Variants in PXDC1 observed in about 807,000 individuals in gnomAD.
PXDC1 encodes PX domain containing 1, also known as PX domain-containing protein 1.
Under a neutral mutation model 24.4 loss-of-function variants are expected in PXDC1, and 13 were observed. The ratio of observed to expected loss-of-function variants is 0.53; its 90% CI spans 0.35 to 0.85. The LOEUF (loss-of-function observed/expected upper bound fraction) is 0.85, where lower values mean the gene tolerates loss of function less well. Among genes scored for constraint, PXDC1 ranks in the 40% least tolerant of loss-of-function variants. PXDC1 has a pLI of 0.01. For missense variants in PXDC1, 344 were observed against 309.3 expected, an observed-to-expected ratio of 1.11 and a Z score of -0.84; for synonymous variants, 162 against 124.9, an observed-to-expected ratio of 1.30 and a Z score of -1.98.
chr6:3,749,507 G>T (rs1760651933), intron 1 of PXDC1, among the ~76,000 whole-genome samples: 1 of 145,892 alleles, frequency 6.9e-6, no homozygotes, highest in Admixed American at 7.0e-5. Flanking sequence ...CACAACTAGG[G>T]CGACAGCAAA....
In PXDC1 at chr6:3,731,981, G is replaced by A. The variant is rs140311803; in HGVS notation, c.467-4319C>T. Among the ~76,000 whole-genome samples the A allele has an allele frequency of 2.1e-3, 327 of 152,340 alleles. 1 individual carries two copies. The highest frequency in any genetic ancestry group is 4.4e-3 in the South Asian group (21 of 4,824). On this transcript the variant is annotated intron_variant, in intron 3 of 4. Coordinates refer to ENST00000380283, the MANE Select transcript of PXDC1 (RefSeq NM_183373.4). ...GGCTTCTGCCAGCTGTTTCCACAGCGAAGTTACCACCTTTCCCTTTGTAGT... is the reference window on the plus strand; with the variant it reads ...GGCTTCTGCCAGCTGTTTCCACAGCAAAGTTACCACCTTTCCCTTTGTAGT...
chr6:3,724,936 T>A lies in PXDC1; in HGVS notation c.579-1200A>T, dbSNP rs952789829. 6.6e-6 allele frequency among the ~76,000 whole-genome samples: 1 copy of A among 152,114 alleles called. No individual in the cohort carries two copies. Among genetic ancestry groups the A allele is most frequent in the African/African-American group, 2.4e-5 (1 of 41,408 alleles). On this transcript the variant is annotated intron_variant, in intron 4 of 4. Transcript: ENST00000380283. The surrounding 1 kb of genome is among the most constrained non-coding windows in gnomAD (Gnocchi z 4.5). ...GAGGAAGGCCTCCCCTCTGACTCCA[T>A]GGCCAGGCCTGGAGTGTGGTGTCAG... is the stretch of plus-strand genomic sequence containing the variant.
rs111662597 is a variant in PXDC1 at position 3,723,502 on chromosome 6, T to C, written c.*117A>G. ...CAGGCCTCCTGGCGTCAGTGGGGCC[T>C]GGGACGTCTGGGAGTTCCAGAGCTG... On this transcript the variant is annotated 3_prime_UTR_variant, in exon 5 of 5. Transcript: ENST00000380283. 113 of 807,446 alleles carry C rather than the reference T, an allele frequency of 1.4e-4. No individual in the cohort carries two copies. The African/African-American group carries it at 1.8e-3, about 13-fold the overall frequency. 50.0% of individuals were successfully genotyped at this position (807,446 alleles called of 1,614,324 possible).
intron 4 of PXDC1, 72 bp from the exon 5 acceptor site, chr6:3,723,808 T>C (rs1056686174): frequency 4.1e-6 from 5 of 1,206,388 alleles, no homozygotes; most frequent in Middle Eastern, 1.9e-4. Context: ...GCCGGGACCA[T>C]GAGCATGACT....
chr6:3,725,625 C>T lies in PXDC1; in HGVS notation c.579-1889G>A, dbSNP rs1244870384. Among the ~76,000 whole-genome samples, 2 of 152,210 alleles carry T rather than the reference C, an allele frequency of 1.3e-5. No individual in the cohort carries two copies. Among genetic ancestry groups the T allele is most frequent in the East Asian group, 3.9e-4 (2 of 5,178 alleles). Reference sequence around the variant, plus strand: ...GGGCCAGACAATCAGCCTCGGGTGCCAGGGAGGACAGCCACGCAGGGAGGT... The same window carrying T: ...GGGCCAGACAATCAGCCTCGGGTGCTAGGGAGGACAGCCACGCAGGGAGGT... On this transcript the variant is annotated intron_variant, in intron 4 of 4. Coordinates refer to ENST00000380283, the MANE Select transcript of PXDC1 (RefSeq NM_183373.4). This position sits in a 1 kb window ranked among gnomAD's most constrained non-coding sequence, Gnocchi z 4.8.
At chr6:3,748,744 A>G (rs1165016330) in intron 1 of PXDC1, among the ~76,000 whole-genome samples, 3 of 152,180 alleles carry the variant, frequency 2.0e-5, no homozygotes, top group African/African-American at 4.8e-5. Flanking sequence ...TGCCAGCAGA[A>G]GCTCAGAAAT....
intron 3 of PXDC1, among the ~76,000 whole-genome samples, chr6:3,734,081 C>A (rs1561733996): frequency 6.6e-6 from 1 of 152,238 alleles, no homozygotes; most frequent in Non-Finnish European, 1.5e-5. Context: ...GTGGCTGAAA[C>A]CTGTCCTCAG....
Position 3,727,604 on chromosome 6 carries a change from G to A in PXDC1, c.525C>T (p.His175=). 6.2e-7 allele frequency: 1 copy of A among 1,613,950 alleles called. No homozygotes were observed. The highest frequency in any genetic ancestry group is 1.1e-5 in the South Asian group (1 of 91,068). The change falls in exon 4 of 5, where the codon CAC becomes CAT. Residue 175 remains histidine (H), a synonymous_variant. Coordinates refer to ENST00000380283, the MANE Select transcript of PXDC1 (RefSeq NM_183373.4). Reference sequence around the variant, plus strand: ...GCTGGTCTCTTCCATTTGGTATACTGTGGTCAATAACTATTGTTTCGGTAT... The same window carrying A: ...GCTGGTCTCTTCCATTTGGTATACTATGGTCAATAACTATTGTTTCGGTAT... ...LANTETIVID[H]SIPNGRDQQL... is the part of the protein sequence containing the mutation.
rs2127597181 is a variant in PXDC1, at chr6:3,723,500, C to A, written c.*119G>T. ...CCCAGGCCTCCTGGCGTCAGTGGGG[C>A]CTGGGACGTCTGGGAGTTCCAGAGC... On this transcript the variant is annotated 3_prime_UTR_variant, in exon 5 of 5. Coordinates refer to ENST00000380283, the MANE Select transcript of PXDC1 (RefSeq NM_183373.4). 1.3e-6 allele frequency: 1 copy of A among 798,084 alleles called. No individual in the cohort carries two copies. Among genetic ancestry groups the A allele is most frequent in the Non-Finnish European group, 2.2e-6 (1 of 465,004 alleles). 49.4% of individuals were successfully genotyped at this position (798,084 alleles called of 1,614,324 possible). A position where few individuals can be genotyped will look rare whatever the true frequency, so the allele number is the denominator to read the frequency against.
At chr6:3,729,862 T>C (rs1375186889) in intron 3 of PXDC1, among the ~76,000 whole-genome samples, 3 of 152,132 alleles carry the variant, frequency 2.0e-5, no homozygotes, top group African/African-American at 4.8e-5. Context: ...GCCTACAAGT[T>C]AAAACAAATG....
chr6:3,733,644 A>T (rs1760251632), intron 3 of PXDC1, among the ~76,000 whole-genome samples: 1 of 152,154 alleles, frequency 6.6e-6, no homozygotes, highest in Non-Finnish European at 1.5e-5. Context: ...GCAAGGCTGC[A>T]AGAGGCCATA....
intron 1 of PXDC1, chr6:3,739,159 G>A (rs1760399239): frequency 1.8e-6 from 2 of 1,141,632 alleles, no homozygotes; most frequent in East Asian, 6.0e-5. Flanking sequence ...TCGTTGAATA[G>A]GTCTATAAGA....
intron 1 of PXDC1, among the ~76,000 whole-genome samples, chr6:3,748,127 G>A (rs1436509479): frequency 6.6e-6 from 1 of 152,204 alleles, no homozygotes; most frequent in Non-Finnish European, 1.5e-5. Context: ...AGATGCGAGA[G>A]ATGTAAATAA....
At chr6:3,727,695 G>C in intron 3 of PXDC1, 33 bp from the exon 4 acceptor site, 2 of 1,433,800 alleles carry the variant, frequency 1.4e-6, no homozygotes, top group Non-Finnish European at 2.0e-6. Flanking sequence ...GAGTCCTCAG[G>C]AGGGGTCGGA....
rs925546574 is a variant in PXDC1 at position 3,737,202 on chromosome 6, G to T, written c.349-6C>A. 9 of 1,573,550 alleles carry T rather than the reference G, an allele frequency of 5.7e-6. No individual in the cohort carries two copies. In the Admixed American group the frequency reaches 8.3e-5, roughly 15 times the overall value. ...ACAACTTCCGATCTAGAATACTGGG[G>T]AGAAATGCAGGGATTACTAAAAACG... On this transcript the variant is annotated splice_polypyrimidine_tract_variant and splice_region_variant and intron_variant, in intron 2 of 4. Transcript: ENST00000380283. This position sits in a 1 kb window ranked among gnomAD's most constrained non-coding sequence, Gnocchi z 5.5.
At chr6:3,745,796 C>T (rs934617687) in intron 1 of PXDC1, among the ~76,000 whole-genome samples, 2 of 152,236 alleles carry the variant, frequency 1.3e-5, no homozygotes, top group Admixed American at 1.3e-4. Context: ...GTATGAACTG[C>T]AAGCTCTTCC....
At chr6:3,749,783 C>G (rs1760657401) in intron 1 of PXDC1, among the ~76,000 whole-genome samples, 1 of 152,114 alleles carries the variant, frequency 6.6e-6, no homozygotes, top group Admixed American at 6.5e-5. Context: ...CCACGGGGAT[C>G]CCGCTCCAAC....
Position 3,728,289 on chromosome 6 carries a change from G to A in PXDC1, c.467-627C>T, listed in dbSNP as rs759968591. On this transcript the variant is annotated intron_variant, in intron 3 of 4. Coordinates refer to ENST00000380283, the MANE Select transcript of PXDC1 (RefSeq NM_183373.4). This position sits in a 1 kb window ranked among gnomAD's most constrained non-coding sequence, Gnocchi z 4.0. ...AGTAGTCTTTTATCCCTCACCCCAC[G>A]AACCCAAAGTCCATGATATCATTCT... 5.9e-5 allele frequency among the ~76,000 whole-genome samples: 9 copies of A among 152,096 alleles called. No individual in the cohort carries two copies. The highest frequency in any genetic ancestry group is 8.8e-5 in the Non-Finnish European group (6 of 68,038).
At chr6:3,739,742 T>C (rs1478409079) in intron 1 of PXDC1, among the ~76,000 whole-genome samples, 1 of 152,270 alleles carries the variant, frequency 6.6e-6, no homozygotes, top group Non-Finnish European at 1.5e-5. Context: ...ACTCTCCGGA[T>C]GCCTCCTCCC....
Sources: allele counts gnomAD v4.1 joint callset (sites outside exome capture counted in the v4.1 genomes callset), GRCh38; gene constraint gnomAD v4.1.1; non-coding constraint Gnocchi (gnomAD v3.1); transcripts MANE v1.5; gene names NCBI Gene and HGNC (gene_info 2026-07-23, HGNC 2026-07-21).